Variants in DPP10 observed in about 807,000 individuals in gnomAD.
DPP10 encodes the protein inactive dipeptidyl peptidase 10.
A neutral mutation model predicts 120.9 loss-of-function variants in DPP10; 33 were observed. The observed-to-expected ratio is 0.27, with a 90% CI of 0.21 to 0.37. The LOEUF (loss-of-function observed/expected upper bound fraction) is 0.37, where lower values mean the gene tolerates loss of function less well. Ranked by LOEUF, DPP10 falls within the 10% of genes least tolerant of loss-of-function variation. The pLI is 1.00. For missense variants in DPP10, 816 were observed against 942.8 expected, an observed-to-expected ratio of 0.87 and a Z score of 1.76; for synonymous variants, 337 against 326.1, an observed-to-expected ratio of 1.03 and a Z score of -0.36.
chr2:115,240,650 C>T lies in DPP10; in HGVS notation c.61-68589C>T, dbSNP rs192266155. ...CTTTAGCGTCAGCATGACTTTTAAA[C>T]GCACTAAGAAACCAAAAATGTATGT... On this transcript the variant is annotated intron_variant, in intron 1 of 25. Coordinates refer to ENST00000410059, the MANE Select transcript of DPP10 (RefSeq NM_020868.6). 1.7e-3 allele frequency among the ~76,000 whole-genome samples: 259 copies of T among 152,184 alleles called. 1 individual carries two copies. The highest frequency in any genetic ancestry group is 6.0e-3 in the African/African-American group (248 of 41,536).
intron 4 of DPP10, among the ~76,000 whole-genome samples, chr2:115,503,209 A>G (rs558299962): frequency 2.0e-5 from 3 of 152,252 alleles, no homozygotes; most frequent in Non-Finnish European, 2.9e-5. Context: ...GTGTTTATTT[A>G]TATATAGGCA....
At chr2:115,528,825 G>C (rs904048035) in intron 5 of DPP10, among the ~76,000 whole-genome samples, 1 of 152,192 alleles carries the variant, frequency 6.6e-6, no homozygotes, top group East Asian at 1.9e-4. Flanking sequence ...TTAAAGAAAT[G>C]AAGAAGAGAT....
intron 1 of DPP10, among the ~76,000 whole-genome samples, chr2:114,464,928 T>C (rs1679228683): frequency 6.6e-6 from 1 of 152,158 alleles, no homozygotes; most frequent in Non-Finnish European, 1.5e-5. Flanking sequence ...AGCTGCTATA[T>C]ATGGCATGAT....
intron 1 of DPP10, among the ~76,000 whole-genome samples, chr2:114,961,493 C>A (rs1698631204): frequency 6.6e-6 from 1 of 151,088 alleles, no homozygotes; most frequent in Non-Finnish European, 1.5e-5. Flanking sequence ...TTCAGAGAAA[C>A]CTGAGAAATA....
intron 3 of DPP10, among the ~76,000 whole-genome samples, chr2:115,447,215 C>T (rs1446839371): frequency 6.6e-6 from 1 of 152,170 alleles, no homozygotes; most frequent in African/African-American, 2.4e-5. Context: ...GCCTGTAGCC[C>T]CTTTACTTTG....
chr2:115,050,163 C>T (rs926202985), intron 1 of DPP10: 1 of 152,094 alleles, frequency 6.6e-6, no homozygotes, highest in Non-Finnish European at 1.5e-5. Flanking sequence ...TGAAAACTAA[C>T]TAAGATGCTG....
intron 1 of DPP10, among the ~76,000 whole-genome samples, chr2:114,738,276 C>T (rs562442481): frequency 6.6e-6 from 1 of 152,268 alleles, no homozygotes; most frequent in South Asian, 2.1e-4. Context: ...CAACTCAGTG[C>T]TTGGCATATG....
At chr2:114,556,234 CATATATATATATATATATATAT>C (rs56772742) in intron 1 of DPP10, among the ~76,000 whole-genome samples, 12 of 86,956 alleles carry the variant, frequency 1.4e-4, no homozygotes, top group Non-Finnish European at 2.5e-4. Flanking sequence ...ATAGATGATA[CATATATATATATATATATATAT>C]ATATATATAT....
intron 1 of DPP10, among the ~76,000 whole-genome samples, chr2:115,136,779 G>T (rs2050673396): frequency 6.6e-6 from 1 of 152,252 alleles, no homozygotes; most frequent in East Asian, 1.9e-4. Flanking sequence ...TACAAAAATG[G>T]ATGTTTCAGA....
chr2:115,012,705 C>T (rs976909704), intron 1 of DPP10, among the ~76,000 whole-genome samples: 1 of 152,194 alleles, frequency 6.6e-6, no homozygotes, highest in Non-Finnish European at 1.5e-5. Context: ...CTTAGATCTT[C>T]TCTCTGACAT....
intron 3 of DPP10, among the ~76,000 whole-genome samples, chr2:115,405,477 T>A (rs2068438087): frequency 6.6e-6 from 1 of 152,074 alleles, no homozygotes; most frequent in Non-Finnish European, 1.5e-5. Flanking sequence ...TGGTGTCGCA[T>A]GTTGCTGATG....
At chr2:115,564,504 C>T (rs1263650123) in intron 5 of DPP10, among the ~76,000 whole-genome samples, 1 of 152,126 alleles carries the variant, frequency 6.6e-6, no homozygotes, top group African/African-American at 2.4e-5. Flanking sequence ...TATTTCAATA[C>T]ACATATATCT....
At chr2:114,454,925 C>T (rs986071779) in intron 1 of DPP10, among the ~76,000 whole-genome samples, 1 of 152,106 alleles carries the variant, frequency 6.6e-6, no homozygotes, top group African/African-American at 2.4e-5. Flanking sequence ...CAGTGTCTAG[C>T]ATTATTCTTG....
chr2:114,762,041 C>T (rs1295608136), intron 1 of DPP10, among the ~76,000 whole-genome samples: 4 of 152,134 alleles, frequency 2.6e-5, no homozygotes, highest in African/African-American at 7.2e-5. Context: ...GATTCACTCT[C>T]CCCCGTCTAA....
At chr2:115,216,727 G>GT (rs1471876204) in intron 1 of DPP10, among the ~76,000 whole-genome samples, 6 of 152,096 alleles carry the variant, frequency 3.9e-5, no homozygotes, top group African/African-American at 1.4e-4. Context: ...GGAAGTTGCC[G>GT]TGAGCCCGGA....
intron 1 of DPP10, among the ~76,000 whole-genome samples, chr2:115,067,841 G>A (rs1240839919): frequency 8.2e-6 from 1 of 121,246 alleles, no homozygotes; most frequent in South Asian, 2.8e-4. Flanking sequence ...CAGCCTGGGC[G>A]ACACAGCAAG....
At chr2:115,777,627 G>T (rs1269047014) in intron 14 of DPP10, among the ~76,000 whole-genome samples, 160 bp from the exon 15 acceptor site, 1 of 152,114 alleles carries the variant, frequency 6.6e-6, no homozygotes, top group African/African-American at 2.4e-5. Flanking sequence ...ACTCCTGTCT[G>T]TATTTTGACA....
intron 1 of DPP10, among the ~76,000 whole-genome samples, chr2:114,565,505 G>A (rs980042044): frequency 3.3e-5 from 5 of 152,118 alleles, no homozygotes; most frequent in African/African-American, 9.7e-5. Context: ...TAGCACCAAC[G>A]GCCATTAGGA....
At chr2:115,413,904 C>T (rs897296979) in intron 3 of DPP10, among the ~76,000 whole-genome samples, 11 of 115,062 alleles carry the variant, frequency 9.6e-5, no homozygotes. Context: ...TCTACACCTT[C>T]TCTCAATAAT....
Sources: gnomAD v4.1 joint callset for allele counts (sites outside exome capture counted in the v4.1 genomes callset) on GRCh38, gnomAD v4.1.1 for gene constraint, MANE v1.5 for transcripts, NCBI Gene and HGNC (gene_info 2026-07-23, HGNC 2026-07-21) for gene names.